APPL1: variants seen among roughly 807,000 people sequenced by gnomAD.
APPL1 encodes adaptor protein, phosphotyrosine interacting with PH domain and leucine zipper 1.
Under a neutral mutation model 106.8 loss-of-function variants are expected in APPL1, and 42 were observed. The observed-to-expected ratio is 0.39, with a 90% CI of 0.31 to 0.51. APPL1 has a LOEUF of 0.51. Among genes scored for constraint, APPL1 ranks in the 20% least tolerant of loss-of-function variants. APPL1 has a pLI of 0.75. For synonymous variants in APPL1, 263 were observed against 281.8 expected (o/e 0.93, Z 0.67); for missense variants, 769 against 858.2 (o/e 0.90, Z 1.30).
intron 1 of APPL1, among the ~76,000 whole-genome samples, chr3:57,235,096 T>A (rs1358521885): frequency 6.6e-6 from 1 of 152,212 alleles, no homozygotes; most frequent in Non-Finnish European, 1.5e-5. Flanking sequence ...GCATTTTATA[T>A]GCTGAAGAGT....
chr3:57,251,430 A>G (rs1427506870), intron 11 of APPL1, among the ~76,000 whole-genome samples: 2 of 150,676 alleles, frequency 1.3e-5, no homozygotes, highest in East Asian at 2.0e-4. Context: ...AGGCTGACAC[A>G]GGGAGAATTG....
rs1419923212 is a variant in APPL1, at chr3:57,270,632, T to G, written c.*945T>G. On this transcript the variant is annotated 3_prime_UTR_variant, in exon 22 of 22. Coordinates refer to ENST00000288266, the MANE Select transcript of APPL1 (RefSeq NM_012096.3). Reference sequence around the variant, plus strand: ...GCTTAAAGTAAAAATTCCCAGAGTTTAGTTTAGAAAATGTAATCTTTTAAA... The same window carrying G: ...GCTTAAAGTAAAAATTCCCAGAGTTGAGTTTAGAAAATGTAATCTTTTAAA... The G allele has an allele frequency of 1.3e-5, 2 of 152,632 alleles. No individual in the cohort carries two copies. The highest frequency in any genetic ancestry group is 4.8e-5 in the African/African-American group (2 of 41,466). The allele number at this position is 152,632 out of a possible 1,614,324, so 9.5% of individuals were successfully genotyped here.
chr3:57,258,215 C>T lies in APPL1; in HGVS notation c.1430+787C>T, dbSNP rs150531988. On this transcript the variant is annotated intron_variant, in intron 15 of 21. Transcript: ENST00000288266. ...CTCTGTTGCCCAGGCTGGAGTGCAGCGGCATGATCATAGCTCACTGCAGCT... is the reference window on the plus strand; with the variant it reads ...CTCTGTTGCCCAGGCTGGAGTGCAGTGGCATGATCATAGCTCACTGCAGCT... 1.3e-3 allele frequency among the ~76,000 whole-genome samples: 204 copies of T among 152,178 alleles called. 1 individual carries two copies. The highest frequency in any genetic ancestry group is 4.3e-3 in the African/African-American group (178 of 41,522).
At chr3:57,258,016 G>A (rs143623739) in intron 15 of APPL1, among the ~76,000 whole-genome samples, 124 of 152,308 alleles carry the variant, frequency 8.1e-4, no homozygotes, top group African/African-American at 2.7e-3. Flanking sequence ...ATACATGGCT[G>A]TGACCCAGAA....
At chr3:57,253,762 C>T in intron 13 of APPL1, 24 bp downstream of exon 13, 1 of 1,375,462 alleles carries the variant, frequency 7.3e-7, no homozygotes, top group Non-Finnish European at 9.5e-7. Context: ...TTTATGTTAC[C>T]CAGATCTAGC....
chr3:57,228,038 G>C lies in APPL1; in HGVS notation c.54+101G>C. 1.9e-6 allele frequency: 2 copies of C among 1,042,284 alleles called. No individual in the cohort carries two copies. The highest frequency in any genetic ancestry group is 1.7e-5 in the African/African-American group (1 of 59,776). The allele number at this position is 1,042,284 out of a possible 1,614,324, so 64.6% of individuals were successfully genotyped here. On this transcript the variant is annotated intron_variant, in intron 1 of 21. Coordinates refer to ENST00000288266, the MANE Select transcript of APPL1 (RefSeq NM_012096.3). The surrounding 1 kb of genome is among the most constrained non-coding windows in gnomAD (Gnocchi z 4.6). ...CGCAGGTGCCCGCCCCGGCCCAGGT[G>C]GGGGCCGCCGCCGCCCTAGGTCACC...
intron 8 of APPL1, 99 bp downstream of exon 8, chr3:57,246,321 C>A: frequency 1.1e-6 from 1 of 891,396 alleles, no homozygotes; most frequent in Non-Finnish European, 1.5e-6. Flanking sequence ...CTATTTTCAA[C>A]ATCCTTGTTT....
At chr3:57,258,349 G>A (rs1016046211) in intron 15 of APPL1, among the ~76,000 whole-genome samples, 2 of 152,244 alleles carry the variant, frequency 1.3e-5, no homozygotes, top group Admixed American at 6.5e-5. Flanking sequence ...TGGTAGAGAC[G>A]GGTTCTTCCT....
At position 57,264,573 on chromosome 3, in the gene APPL1, T is replaced by TA. The variant is rs767949059; in HGVS notation, c.1843-3161dup. On this transcript the variant is annotated intron_variant, in intron 19 of 21. Transcript: ENST00000288266. Reference sequence around the variant, plus strand: ...ATATTTAAAAAAATTTAAAAAAAAATAAAAAAAATAAAAAAAAATTTTTTT... The same window carrying TA: ...ATATTTAAAAAAATTTAAAAAAAAATAAAAAAAAATAAAAAAAAATTTTTTT... Among the ~76,000 whole-genome samples the TA allele has an allele frequency of 3.8e-3, 549 of 145,718 alleles. 3 individuals are homozygous for TA. Among genetic ancestry groups the TA allele is most frequent in the Non-Finnish European group, 6.5e-3 (438 of 67,210 alleles).
At chr3:57,230,897 TTTTA>T in intron 1 of APPL1, 1 of 300,822 alleles carries the variant, frequency 3.3e-6, no homozygotes, top group Non-Finnish European at 6.6e-6. Flanking sequence ...TTTTATTTTA[TTTTA>T]TTTTTATTTT....
At chr3:57,267,010 T>C (rs967310924) in intron 19 of APPL1, among the ~76,000 whole-genome samples, 6 of 141,404 alleles carry the variant, frequency 4.2e-5, no homozygotes, top group Non-Finnish European at 9.3e-5. Context: ...GTAATATATT[T>C]TGAAGTTAGG....
At chr3:57,240,347 A>C in intron 4 of APPL1, 118 bp from the exon 5 acceptor site, 1 of 733,564 alleles carries the variant, frequency 1.4e-6, no homozygotes, top group Non-Finnish European at 2.3e-6. Flanking sequence ...CATAATTTTT[A>C]GTGTTTTCCT....
chr3:57,245,558 T>C (rs1016616765), intron 7 of APPL1, among the ~76,000 whole-genome samples: 4 of 152,000 alleles, frequency 2.6e-5, no homozygotes, highest in Non-Finnish European at 5.9e-5. Context: ...GTTTTTTTTT[T>C]TTTTGAGACA....
intron 11 of APPL1, among the ~76,000 whole-genome samples, chr3:57,251,210 T>A (rs1401345683): frequency 6.6e-6 from 1 of 151,514 alleles, no homozygotes; most frequent in Non-Finnish European, 1.5e-5. Context: ...ATAAATAAAT[T>A]TGACCTTTAC....
At chr3:57,261,558 G>A (rs543896368) in intron 19 of APPL1, among the ~76,000 whole-genome samples, 2 of 152,030 alleles carry the variant, frequency 1.3e-5, no homozygotes, top group Non-Finnish European at 2.9e-5. Flanking sequence ...TCACTCTGTC[G>A]CCCAGGCTGG....
chr3:57,228,030 G>GCC lies in APPL1; in HGVS notation c.54+95_54+96dup. The GCC allele has an allele frequency of 1.8e-6, 2 of 1,138,288 alleles. No individual in the cohort carries two copies. The highest frequency in any genetic ancestry group is 2.3e-6 in the Non-Finnish European group (2 of 881,736). 70.5% of individuals were successfully genotyped at this position (1,138,288 alleles called of 1,614,324 possible). On this transcript the variant is annotated intron_variant, in intron 1 of 21. Coordinates refer to ENST00000288266, the MANE Select transcript of APPL1 (RefSeq NM_012096.3). The surrounding 1 kb of genome is among the most constrained non-coding windows in gnomAD (Gnocchi z 4.6). ...GCGGCTCCCGCAGGTGCCCGCCCCGGCCCAGGTGGGGGCCGCCGCCGCCCT... is the reference window on the plus strand; with the variant it reads ...GCGGCTCCCGCAGGTGCCCGCCCCGGCCCCCAGGTGGGGGCCGCCGCCGCCCT...
rs13325996 is a variant in APPL1 at position 57,264,580 on chromosome 3, A to T, written c.1843-3162A>T. Among the ~76,000 whole-genome samples the T allele has an allele frequency of 3.4e-5, 5 of 146,352 alleles. No individual in the cohort carries two copies. In the South Asian group the frequency reaches 1.0e-3, roughly 30 times the overall value. ...AAAAAATTTAAAAAAAAATAAAAAA[A>T]ATAAAAAAAAATTTTTTTAAAAAAT... On this transcript the variant is annotated intron_variant, in intron 19 of 21. Transcript: ENST00000288266.
chr3:57,270,237 G>A lies in APPL1; in HGVS notation c.*550G>A, dbSNP rs2060927018. The A allele has an allele frequency of 6.6e-6, 1 of 152,666 alleles. No individual in the cohort carries two copies. The highest frequency in any genetic ancestry group is 2.4e-5 in the African/African-American group (1 of 41,446). The allele number at this position is 152,666 out of a possible 1,614,324, so 9.5% of individuals were successfully genotyped here. ...GATTTTACAGTTAAGGTTTCAAATT[G>A]TGGCAGGTGGTACTGTTGATCTCAG... On this transcript the variant is annotated 3_prime_UTR_variant, in exon 22 of 22. Transcript: ENST00000288266.
Position 57,271,166 on chromosome 3 carries a change from T to C in APPL1, c.*1479T>C, listed in dbSNP as rs1009060340. On this transcript the variant is annotated 3_prime_UTR_variant, in exon 22 of 22. Transcript: ENST00000288266. Reference sequence around the variant, plus strand: ...TCTTTGATATACAGTTTTTTCTTCTTAGTTCTGCATTAGAAATGGCATCTG... The same window carrying C: ...TCTTTGATATACAGTTTTTTCTTCTCAGTTCTGCATTAGAAATGGCATCTG... The C allele has an allele frequency of 1.3e-5, 2 of 152,518 alleles. No homozygotes were observed. Among genetic ancestry groups the C allele is most frequent in the Non-Finnish European group, 2.9e-5 (2 of 67,994 alleles). The allele number at this position is 152,518 out of a possible 1,614,324, so 9.4% of individuals were successfully genotyped here.
Sources: gnomAD v4.1 joint callset for allele counts (sites outside exome capture counted in the v4.1 genomes callset) on GRCh38, gnomAD v4.1.1 for gene constraint, Gnocchi (gnomAD v3.1) non-coding constraint, MANE v1.5 for transcripts, NCBI Gene and HGNC (gene_info 2026-07-23, HGNC 2026-07-21) for gene names.